DYNC2H1: variants seen among roughly 807,000 people sequenced by gnomAD.
The protein encoded by DYNC2H1 is dynein cytoplasmic 2 heavy chain 1, also known as cytoplasmic dynein 2 heavy chain 1.
A neutral mutation model predicts 570.0 loss-of-function variants in DYNC2H1; 410 were observed. That is an observed-to-expected ratio of 0.72 (90% CI 0.66 to 0.78). DYNC2H1 has a LOEUF of 0.78. Ranked by LOEUF, DYNC2H1 falls within the 30% of genes least tolerant of loss-of-function variation. The pLI is 0.00. For synonymous variants in DYNC2H1, 1,688 were observed against 1,677.6 expected, an observed-to-expected ratio of 1.01 and a Z score of -0.15; for missense variants, 4,865 against 5,046.4, an observed-to-expected ratio of 0.96 and a Z score of 1.09.
rs896177059 is a variant in DYNC2H1, at chr11:103,129,682, AAAAAAAAAG to A, written c.1953+690_1953+698del. On this transcript the variant is annotated intron_variant, in intron 13 of 88. Coordinates refer to ENST00000375735, the MANE Select transcript of DYNC2H1 (RefSeq NM_001377.3). This position sits in a 1 kb window ranked among gnomAD's most constrained non-coding sequence, Gnocchi z 4.1. ...CTGGGAGACAGAGCGACTCCATCTC[AAAAAAAAAG>A]AAAAAAAAGAAAGAAAAAGAAATTA... Among the ~76,000 whole-genome samples the A allele has an allele frequency of 2.1e-5, 3 of 145,494 alleles. No homozygotes were observed. Among genetic ancestry groups the A allele is most frequent in the African/African-American group, 7.5e-5 (3 of 40,026 alleles).
chr11:103,216,569 T>C (rs563976077), intron 55 of DYNC2H1, among the ~76,000 whole-genome samples: 5 of 152,248 alleles, frequency 3.3e-5, no homozygotes, highest in African/African-American at 1.2e-4. Context: ...AGTGGGAAGA[T>C]TGCTTGAGCC....
At chr11:103,210,003 G>A (rs756438291) in intron 53 of DYNC2H1, 43 bp downstream of exon 53, 1 of 1,404,556 alleles carries the variant, frequency 7.1e-7, no homozygotes, top group South Asian at 1.5e-5. Flanking sequence ...TTTTATTTAT[G>A]AAATAATTGC....
In DYNC2H1 at chr11:103,128,968, T is replaced by C. The variant is rs759391568; in HGVS notation, c.1916T>C (p.Met639Thr). 1 of 1,605,376 alleles carries C rather than the reference T, an allele frequency of 6.2e-7. No individual in the cohort carries two copies. Among genetic ancestry groups the C allele is most frequent in the Non-Finnish European group, 8.5e-7 (1 of 1,176,816 alleles). ...ATGATTCAAAGTCAGAGGCCAATGA[T>C]GTTACAATCTGCCTTAGCATTTGAA... ...QQMIQSQRPM[M>T]LQSALAFEQI... The change falls in exon 13 of 89, where the codon ATG becomes ACG. Residue 639 changes from methionine (M) to threonine (T), a missense_variant. Coordinates refer to ENST00000375735, the MANE Select transcript of DYNC2H1 (RefSeq NM_001377.3).
rs367789879 is a variant in DYNC2H1, at chr11:103,217,738, T to A, written c.8832+1880T>A. Among the ~76,000 whole-genome samples, 24 of 152,302 alleles carry A rather than the reference T, an allele frequency of 1.6e-4. No homozygotes were observed. The South Asian group carries it at 4.8e-3, about 30-fold the overall frequency. On this transcript the variant is annotated intron_variant, in intron 55 of 88. Transcript: ENST00000375735. ...ATTGATAAATTGAATTTCATCAAAA[T>A]GAAAACTTCTGCTCTTTGAAATAAA...
intron 54 of DYNC2H1, among the ~76,000 whole-genome samples, chr11:103,214,570 G>A (rs565571629): frequency 8.7e-5 from 13 of 149,770 alleles, no homozygotes; most frequent in South Asian, 8.5e-4. Flanking sequence ...TCAGCCTCCC[G>A]AGTAGCTGCG....
Position 103,369,175 on chromosome 11 carries a change from T to C in DYNC2H1, c.12156+10816T>C, listed in dbSNP as rs991607506. 8.5e-5 allele frequency among the ~76,000 whole-genome samples: 13 copies of C among 152,084 alleles called. No homozygotes were observed. The highest frequency in any genetic ancestry group is 2.9e-5 in the Non-Finnish European group (2 of 68,018). On this transcript the variant is annotated intron_variant, in intron 83 of 88. Transcript: ENST00000375735. The surrounding 1 kb of genome is among the most constrained non-coding windows in gnomAD (Gnocchi z 4.0). ...TTTGGTGCACTGGGGAGAGGGAGAT[T>C]GCAGCATTTGTGAGGCACTGAACCC... is the stretch of plus-strand genomic sequence containing the variant.
intron 82 of DYNC2H1, among the ~76,000 whole-genome samples, chr11:103,328,868 A>G (rs187821211): frequency 7.2e-5 from 11 of 152,270 alleles, no homozygotes; most frequent in African/African-American, 2.6e-4. Flanking sequence ...CATTAACCAA[A>G]ATGTGAAAGT....
At chr11:103,337,237 A>G (rs1939185717) in intron 82 of DYNC2H1, among the ~76,000 whole-genome samples, 2 of 152,194 alleles carry the variant, frequency 1.3e-5, no homozygotes, top group Non-Finnish European at 2.9e-5. Flanking sequence ...CTATAGAAAC[A>G]ATGCTTATCA....
At chr11:103,236,091 T>C (rs143544926) in intron 62 of DYNC2H1, among the ~76,000 whole-genome samples, 3,261 of 152,066 alleles carry the variant, frequency 0.021, 54 homozygotes, top group Non-Finnish European at 0.037. Context: ...TAGATGCAAT[T>C]AAACATTATG....
At chr11:103,265,284 T>C (rs1865463771) in intron 70 of DYNC2H1, among the ~76,000 whole-genome samples, 1 of 152,158 alleles carries the variant, frequency 6.6e-6, no homozygotes, top group Non-Finnish European at 1.5e-5. Flanking sequence ...ACCTAGATGA[T>C]GGGTTGATCG....
chr11:103,400,034 A>G (rs961724339), intron 84 of DYNC2H1, among the ~76,000 whole-genome samples, 162 bp downstream of exon 84: 2 of 152,248 alleles, frequency 1.3e-5, no homozygotes, highest in Non-Finnish European at 2.9e-5. Context: ...GAAGAATCCA[A>G]TGGTATCTAG....
At chr11:103,125,593 G>T (rs758780058) in intron 12 of DYNC2H1, among the ~76,000 whole-genome samples, 4 of 152,046 alleles carry the variant, frequency 2.6e-5, no homozygotes, top group Non-Finnish European at 5.9e-5. Flanking sequence ...TCTAATTAAG[G>T]AGTCCTCTGC....
chr11:103,191,113 C>T (rs1817705), intron 45 of DYNC2H1, among the ~76,000 whole-genome samples: 34,038 of 148,856 alleles, frequency 0.23, 4,047 homozygotes, highest in Middle Eastern at 0.36. Context: ...AATCTCAGCT[C>T]ACTGCAACCT....
intron 87 of DYNC2H1, among the ~76,000 whole-genome samples, chr11:103,459,519 G>A (rs374550530): frequency 2.0e-5 from 3 of 152,044 alleles, no homozygotes; most frequent in East Asian, 1.9e-4. Flanking sequence ...GAAGGGTTGA[G>A]CGCCTATAAT....
intron 82 of DYNC2H1, among the ~76,000 whole-genome samples, chr11:103,337,545 T>C (rs796497495): frequency 5.3e-5 from 8 of 152,314 alleles, no homozygotes; most frequent in African/African-American, 1.7e-4. Context: ...GTAGCATCCA[T>C]TATTTTTTGT....
In DYNC2H1 at chr11:103,176,232, T is replaced by G. The variant is rs1319189727; in HGVS notation, c.5675-3T>G. The G allele has an allele frequency of 2.7e-6, 4 of 1,470,240 alleles. No individual in the cohort carries two copies. Among genetic ancestry groups the G allele is most frequent in the Admixed American group, 3.1e-5 (1 of 32,472 alleles). 91.1% of individuals were successfully genotyped at this position (1,470,240 alleles called of 1,614,324 possible). On this transcript the variant is annotated splice_polypyrimidine_tract_variant and splice_region_variant and intron_variant, in intron 36 of 88. Transcript: ENST00000375735. Reference sequence around the variant, plus strand: ...ATAATTTTAAAATGAAACTTTTTTCTAGCTAATGAAAGTCATATTGTGGTA... The same window carrying G: ...ATAATTTTAAAATGAAACTTTTTTCGAGCTAATGAAAGTCATATTGTGGTA...
chr11:103,358,462 G>GTTAGGAACCTGTGCAAT, intron 83 of DYNC2H1, 103 bp downstream of exon 83: 1 of 714,860 alleles, frequency 1.4e-6, no homozygotes, highest in Non-Finnish European at 2.4e-6. Context: ...ACATTGCAGA[G>GTTAGGAACCTGTGCAAT]GTTCCTAACT....
intron 83 of DYNC2H1, among the ~76,000 whole-genome samples, chr11:103,394,203 A>T (rs1000124045): frequency 6.6e-6 from 1 of 152,116 alleles, no homozygotes; most frequent in African/African-American, 2.4e-5. Flanking sequence ...ATTAAATAAC[A>T]TATCTTTAAT....
chr11:103,359,814 A>C (rs963693882), intron 83 of DYNC2H1, among the ~76,000 whole-genome samples: 2 of 151,818 alleles, frequency 1.3e-5, no homozygotes, highest in Non-Finnish European at 2.9e-5. Context: ...ACAGGTGCAC[A>C]CTACGGCACC....
Sources: allele counts gnomAD v4.1 joint callset (sites outside exome capture counted in the v4.1 genomes callset), GRCh38; gene constraint gnomAD v4.1.1; non-coding constraint Gnocchi (gnomAD v3.1); transcripts MANE v1.5; gene names NCBI Gene and HGNC (gene_info 2026-07-23, HGNC 2026-07-21).